Variants in ATP9B observed in about 807,000 individuals in gnomAD.
ATP9B encodes the protein probable phospholipid-transporting ATPase IIB.
In ATP9B, 110 loss-of-function variants were observed where a neutral mutation model predicts 146.1. The observed-to-expected ratio is 0.75, with a 90% confidence interval of 0.65 to 0.88. ATP9B has a LOEUF of 0.88. ATP9B is among the 40% of genes least tolerant of loss of function. The probability of loss-of-function intolerance (pLI) is 0.00; values close to 1 mark genes in which losing one functional copy is unlikely to be tolerated. For missense variants in ATP9B, 1,499 were observed against 1,496.4 expected, an observed-to-expected ratio of 1.00 and a Z score of -0.03; for synonymous variants, 604 against 569.7, an observed-to-expected ratio of 1.06 and a Z score of -0.86.
At chr18:79,106,782 TTC>T (rs2075677435) in intron 2 of ATP9B, among the ~76,000 whole-genome samples, 1 of 152,204 alleles carries the variant, frequency 6.6e-6, no homozygotes, top group South Asian at 2.1e-4. Flanking sequence ...AATTTAGAGT[TTC>T]TCGAGTGAGA....
intron 23 of ATP9B, among the ~76,000 whole-genome samples, chr18:79,346,778 T>A (rs1156250232): frequency 6.6e-6 from 1 of 152,190 alleles, no homozygotes; most frequent in Non-Finnish European, 1.5e-5. Context: ...GTCGGCACAG[T>A]CAGCACATGC....
At chr18:79,278,856 TC>T (rs2096344417) in intron 13 of ATP9B, among the ~76,000 whole-genome samples, 1 of 151,794 alleles carries the variant, frequency 6.6e-6, no homozygotes, top group African/African-American at 2.4e-5. Flanking sequence ...AATAAATAAA[TC>T]CATGGTAATA....
intron 15 of ATP9B, among the ~76,000 whole-genome samples, chr18:79,326,380 C>G (rs1249626719): frequency 2.4e-5 from 3 of 124,408 alleles, no homozygotes; most frequent in South Asian, 2.9e-4. Context: ...TGTACCCTCC[C>G]TCCCCTCACA....
intron 25 of ATP9B, 111 bp from the exon 26 acceptor site, chr18:79,359,243 G>C: frequency 1.3e-6 from 1 of 741,746 alleles, no homozygotes; most frequent in Non-Finnish European, 2.2e-6. Flanking sequence ...GTTGGTTTTT[G>C]TGGAGTATTT....
intron 9 of ATP9B, among the ~76,000 whole-genome samples, chr18:79,201,824 G>T (rs1005724560): frequency 6.6e-6 from 1 of 152,126 alleles, no homozygotes; most frequent in Non-Finnish European, 1.5e-5. Flanking sequence ...CTCCCAAAGT[G>T]CTGGGATTAC....
Position 79,121,402 on chromosome 18 carries a change from T to C in ATP9B, c.559-4865T>C, listed in dbSNP as rs948631612. On this transcript the variant is annotated intron_variant, in intron 4 of 29. Coordinates refer to ENST00000426216, the MANE Select transcript of ATP9B (RefSeq NM_198531.5). Reference sequence around the variant, plus strand: ...TTTTGATTTTTCTAGGGAGCAGTGTTATAGCATAAATCTCTGACCTTGTTG... The same window carrying C: ...TTTTGATTTTTCTAGGGAGCAGTGTCATAGCATAAATCTCTGACCTTGTTG... Among the ~76,000 whole-genome samples the C allele has an allele frequency of 3.3e-5, 5 of 152,174 alleles. No individual in the cohort carries two copies. The East Asian group carries it at 9.6e-4, about 29-fold the overall frequency.
At chr18:79,372,931 T>G (rs780906407) in intron 27 of ATP9B, 49 bp downstream of exon 27, 1 of 1,378,786 alleles carries the variant, frequency 7.3e-7, no homozygotes, top group Non-Finnish European at 1.0e-6. Context: ...TTTATTTTGG[T>G]CTTTTTGTTA....
intron 11 of ATP9B, 82 bp from the exon 12 acceptor site, chr18:79,253,299 G>A: frequency 4.2e-6 from 5 of 1,191,152 alleles, no homozygotes; most frequent in Non-Finnish European, 5.7e-6. Flanking sequence ...TTTTTTTTAT[G>A]TCATCACTAC....
intron 4 of ATP9B, among the ~76,000 whole-genome samples, chr18:79,116,768 G>A (rs1236347824): frequency 2.5e-5 from 2 of 79,348 alleles, no homozygotes; most frequent in Non-Finnish European, 5.0e-5. Context: ...TCTGGGGACT[G>A]TGGTGGGGTC....
intron 13 of ATP9B, among the ~76,000 whole-genome samples, chr18:79,279,388 A>C (rs1157813855): frequency 6.6e-6 from 1 of 152,230 alleles, no homozygotes; most frequent in Non-Finnish European, 1.5e-5. Context: ...CTTTACAAAC[A>C]ACTTAGTCTT....
At chr18:79,247,378 G>A (rs1397227972) in intron 11 of ATP9B, among the ~76,000 whole-genome samples, 1 of 152,152 alleles carries the variant, frequency 6.6e-6, no homozygotes, top group South Asian at 2.1e-4. Flanking sequence ...AAAAAATTCT[G>A]GTGAGTGGAT....
At chr18:79,131,986 A>G (rs2094384693) in intron 5 of ATP9B, among the ~76,000 whole-genome samples, 1 of 152,248 alleles carries the variant, frequency 6.6e-6, no homozygotes, top group Non-Finnish European at 1.5e-5. Flanking sequence ...TCTGCCTAAC[A>G]GGCATTGGGT....
chr18:79,237,677 CT>C (rs146498707), intron 11 of ATP9B, among the ~76,000 whole-genome samples: 5 of 97,654 alleles, frequency 5.1e-5, no homozygotes, highest in African/African-American at 1.4e-4. Context: ...AAGTATTTGA[CT>C]TTTTTTTTTT....
intron 1 of ATP9B, among the ~76,000 whole-genome samples, chr18:79,071,398 C>CTTTTTTTTTTTTTTTTTT (rs747150962): frequency 0.038 from 838 of 22,146 alleles, 44 homozygotes; most frequent in East Asian, 0.048. Context: ...TATTGTTCTT[C>CTTTTTTTTTTTTTTTTTT]CTTTTTTTTT....
chr18:79,285,861 T>C (rs1230528385), intron 13 of ATP9B, among the ~76,000 whole-genome samples: 53 of 151,990 alleles, frequency 3.5e-4, no homozygotes, highest in Admixed American at 3.3e-3. Context: ...CCAGCACCAT[T>C]TATTAAATAG....
At chr18:79,085,921 C>T (rs1292136099) in intron 1 of ATP9B, 1 of 152,020 alleles carries the variant, frequency 6.6e-6, no homozygotes, top group Non-Finnish European at 1.5e-5. Context: ...TGAGTCTATA[C>T]ACAATTTTCT....
chr18:79,078,530 T>C (rs909257919), intron 1 of ATP9B, among the ~76,000 whole-genome samples: 2 of 151,942 alleles, frequency 1.3e-5, no homozygotes, highest in African/African-American at 4.8e-5. Context: ...GAAGGAGCAG[T>C]TTACATTTTT....
chr18:79,371,314 A>G (rs112218929), intron 26 of ATP9B, among the ~76,000 whole-genome samples: 2 of 143,002 alleles, frequency 1.4e-5, no homozygotes, highest in African/African-American at 2.6e-5. Context: ...AGAAGTTGCA[A>G]TGAGCCAAGA....
At chr18:79,253,171 G>T (rs1297825864) in intron 11 of ATP9B, among the ~76,000 whole-genome samples, 1 of 152,184 alleles carries the variant, frequency 6.6e-6, no homozygotes, top group Non-Finnish European at 1.5e-5. Flanking sequence ...TCTGGCCCGT[G>T]TTTTGTCAGT....
Sources: gnomAD v4.1 joint callset for allele counts (sites outside exome capture counted in the v4.1 genomes callset) on GRCh38, gnomAD v4.1.1 for gene constraint, MANE v1.5 for transcripts, NCBI Gene and HGNC (gene_info 2026-07-23, HGNC 2026-07-21) for gene names.